The following SLC35F4 variants were observed in gnomAD, a reference collection of about 807,000 sequenced individuals.
The protein encoded by SLC35F4 is solute carrier family 35 member F4.
In SLC35F4, 24 loss-of-function variants were observed where a neutral mutation model predicts 44.2. The observed-to-expected ratio is 0.54, with a 90% confidence interval of 0.39 to 0.76. The LOEUF (loss-of-function observed/expected upper bound fraction) is 0.76, where lower values mean the gene tolerates loss of function less well. Ranked by LOEUF, SLC35F4 falls within the 30% of genes least tolerant of loss-of-function variation. The pLI is 0.00. For missense variants in SLC35F4, 562 were observed against 586.1 expected, an observed-to-expected ratio of 0.96 and a Z score of 0.42; for synonymous variants, 238 against 223.6, an observed-to-expected ratio of 1.06 and a Z score of -0.57.
At chr14:57,913,707 CTGTTA>C (rs1889260964) in intron 1 of SLC35F4, among the ~76,000 whole-genome samples, 1 of 152,040 alleles carries the variant, frequency 6.6e-6, no homozygotes, top group African/African-American at 2.4e-5. Flanking sequence ...AACAAATTAT[CTGTTA>C]TATTAATTTG....
chr14:57,809,189 C>A (rs1881688827), intron 1 of SLC35F4, among the ~76,000 whole-genome samples: 1 of 152,202 alleles, frequency 6.6e-6, no homozygotes, highest in African/African-American at 2.4e-5. Context: ...AACACTGTAT[C>A]TGTGAAACCA....
rs2068531705 is a variant in SLC35F4 at position 57,571,943 on chromosome 14, A to G, written c.884T>C (p.Ile295Thr). 2 of 1,612,652 alleles carry G rather than the reference A, an allele frequency of 1.2e-6. No individual in the cohort carries two copies. Among genetic ancestry groups the G allele is most frequent in the South Asian group, 1.1e-5 (1 of 90,766 alleles). Residue 295 changes from isoleucine (I) to threonine (T), a missense_variant, in exon 5 of 8, where the codon ATA becomes ACA. By Grantham distance (89) the Ile-to-Thr change is moderately conservative. Coordinates refer to ENST00000556826, the MANE Select transcript of SLC35F4 (RefSeq NM_001306087.2). Reference sequence around the variant, plus strand: ...TGAGCCCACCGCAAATGCCACTCCTATGATGGAATCAGCGTGGAAATTATC... The same window carrying G: ...TGAGCCCACCGCAAATGCCACTCCTGTGATGGAATCAGCGTGGAAATTATC... ...YADNFHADSI[I>T]GVAFAVGSAS...
At chr14:57,836,278 ATTT>A (rs1884910621) in intron 1 of SLC35F4, among the ~76,000 whole-genome samples, 2 of 152,148 alleles carry the variant, frequency 1.3e-5, no homozygotes, top group South Asian at 2.1e-4. Flanking sequence ...TTGAAATTTT[ATTT>A]TTTATTTTAT....
At chr14:57,708,543 T>C (rs2075734164) in intron 1 of SLC35F4, among the ~76,000 whole-genome samples, 2 of 152,266 alleles carry the variant, frequency 1.3e-5, no homozygotes, top group African/African-American at 4.8e-5. Context: ...CTGATAGTGA[T>C]GTGGACAATG....
At chr14:57,683,804 T>G (rs577068755) in intron 1 of SLC35F4, among the ~76,000 whole-genome samples, 1 of 152,018 alleles carries the variant, frequency 6.6e-6, no homozygotes, top group Non-Finnish European at 1.5e-5. Context: ...GGACTTCCAG[T>G]AGGAAAGGGG....
intron 1 of SLC35F4, among the ~76,000 whole-genome samples, chr14:57,752,994 A>G (rs1460565601): frequency 6.6e-6 from 1 of 152,134 alleles, no homozygotes; most frequent in Non-Finnish European, 1.5e-5. Flanking sequence ...TCACATTGCT[A>G]CTGATATTCT....
Position 57,776,665 on chromosome 14 carries a change from CAAAAAAAAAA to C in SLC35F4, c.103+89048_103+89057del, listed in dbSNP as rs57272978. ...TGGGCAGCAGAGCAAGACTCCATCT[CAAAAAAAAAA>C]AAAAAAAAAAAAAATTAAAGGCAGC... is the stretch of plus-strand genomic sequence containing the variant. On this transcript the variant is annotated intron_variant, in intron 1 of 7. Coordinates refer to ENST00000556826, the MANE Select transcript of SLC35F4 (RefSeq NM_001306087.2). 6.5e-3 allele frequency among the ~76,000 whole-genome samples: 466 copies of C among 72,070 alleles called. 7 individuals are homozygous for C. Among genetic ancestry groups the C allele is most frequent in the African/African-American group, 0.02 (427 of 21,832 alleles). 47.3% of individuals were successfully genotyped at this position (72,070 alleles called of 152,430 possible).
At chr14:57,783,345 A>G (rs1446461131) in intron 1 of SLC35F4, among the ~76,000 whole-genome samples, 2 of 152,092 alleles carry the variant, frequency 1.3e-5, no homozygotes, top group Non-Finnish European at 2.9e-5. Flanking sequence ...TTATTGAAGA[A>G]AAAGGATAAC....
chr14:57,704,868 C>T (rs984453341), intron 1 of SLC35F4, among the ~76,000 whole-genome samples: 5 of 152,126 alleles, frequency 3.3e-5, no homozygotes, highest in African/African-American at 7.2e-5. Context: ...GGCAGAAGCT[C>T]ACCCTGCATA....
At chr14:57,809,535 C>A (rs1881727352) in intron 1 of SLC35F4, among the ~76,000 whole-genome samples, 1 of 152,158 alleles carries the variant, frequency 6.6e-6, no homozygotes, top group Non-Finnish European at 1.5e-5. Context: ...AAGATCCACC[C>A]CCATCAAAGC....
At position 57,807,241 on chromosome 14, in the gene SLC35F4, A is replaced by T. The variant is rs186575891; in HGVS notation, c.103+58482T>A. On this transcript the variant is annotated intron_variant, in intron 1 of 7. Transcript: ENST00000556826. ...TAGCTTGACTGTTCTTCCTCTTGAG[A>T]GCATGAGTTCTCTCTGCTCCTTCAC... Among the ~76,000 whole-genome samples the T allele has an allele frequency of 2.9e-3, 447 of 152,158 alleles. 4 individuals carry two copies. Among genetic ancestry groups the T allele is most frequent in the African/African-American group, 0.01 (422 of 41,436 alleles).
At chr14:57,939,941 A>T (rs1566506782) in intron 1 of SLC35F4, among the ~76,000 whole-genome samples, 1 of 152,230 alleles carries the variant, frequency 6.6e-6, no homozygotes, top group South Asian at 2.1e-4. Flanking sequence ...TAAACAGGTT[A>T]AGTAAGGACT....
At chr14:57,565,311 A>G (rs1332004072) in intron 7 of SLC35F4, among the ~76,000 whole-genome samples, 1 of 152,146 alleles carries the variant, frequency 6.6e-6, no homozygotes, top group Admixed American at 6.6e-5. Flanking sequence ...TTCACTCCTC[A>G]TATCTCACTT....
chr14:57,966,363 T>A (rs1228592955), intron 1 of SLC35F4, among the ~76,000 whole-genome samples: 1 of 152,222 alleles, frequency 6.6e-6, no homozygotes, highest in Non-Finnish European at 1.5e-5. Context: ...TAATATATCT[T>A]AAATATTAAC....
intron 1 of SLC35F4, among the ~76,000 whole-genome samples, chr14:57,682,079 C>G (rs2074923312): frequency 6.6e-6 from 1 of 152,210 alleles, no homozygotes; most frequent in African/African-American, 2.4e-5. Flanking sequence ...TTGTGGAAGA[C>G]AGTGTGGCGA....
At chr14:57,664,954 T>G (rs534324383) in intron 1 of SLC35F4, among the ~76,000 whole-genome samples, 1 of 152,182 alleles carries the variant, frequency 6.6e-6, no homozygotes, top group South Asian at 2.1e-4. Context: ...CTTCTTGAGC[T>G]TTCCAAGAAG....
chr14:57,830,926 C>T (rs554523769), intron 1 of SLC35F4, among the ~76,000 whole-genome samples: 2 of 152,168 alleles, frequency 1.3e-5, no homozygotes, highest in East Asian at 3.9e-4. Flanking sequence ...GCAAGTTCAA[C>T]AGCACTTGTA....
chr14:57,691,052 G>A (rs1331307187), intron 1 of SLC35F4, among the ~76,000 whole-genome samples: 1 of 152,110 alleles, frequency 6.6e-6, no homozygotes, highest in Non-Finnish European at 1.5e-5. Context: ...CCTAGACTGT[G>A]ACCTACAAAA....
intron 1 of SLC35F4, among the ~76,000 whole-genome samples, chr14:57,715,507 A>T (rs1263292770): frequency 6.6e-6 from 1 of 152,236 alleles, no homozygotes; most frequent in African/African-American, 2.4e-5. Flanking sequence ...TGTTGTAACC[A>T]GAGTTGAATG....
Sources: gnomAD v4.1 joint callset for allele counts (sites outside exome capture counted in the v4.1 genomes callset) on GRCh38, gnomAD v4.1.1 for gene constraint, MANE v1.5 for transcripts, NCBI Gene and HGNC (gene_info 2026-07-23, HGNC 2026-07-21) for gene names.